The following GLT1D1 variants were observed in gnomAD, a reference collection of about 807,000 sequenced individuals.
GLT1D1 encodes glycosyltransferase 1 domain containing 1.
GLT1D1 carries 21 observed loss-of-function variants against 28.7 expected under a neutral mutation model. The ratio of observed to expected loss-of-function variants is 0.73; its 90% CI spans 0.52 to 1.05. The LOEUF (loss-of-function observed/expected upper bound fraction) is 1.05, where lower values mean the gene tolerates loss of function less well. GLT1D1 is among the 50% of genes least tolerant of loss of function. GLT1D1 has a pLI of 0.00. For synonymous variants in GLT1D1, 147 were observed against 124.8 expected, an observed-to-expected ratio of 1.18 and a Z score of -1.19; for missense variants, 343 against 330.6, an observed-to-expected ratio of 1.04 and a Z score of -0.29.
intron 7 of GLT1D1, among the ~76,000 whole-genome samples, chr12:128,972,084 G>GA (rs1879237995): frequency 6.6e-6 from 1 of 151,992 alleles, no homozygotes; most frequent in African/African-American, 2.4e-5. Context: ...GTCCCTTGGG[G>GA]ATCTTGGGCT....
intron 4 of GLT1D1, chr12:128,945,071 T>C (rs1431028415): frequency 3.0e-6 from 2 of 663,714 alleles, no homozygotes; most frequent in Non-Finnish European, 5.4e-6. Flanking sequence ...CCCCGCAGCA[T>C]GTTGTCCCGG....
chr12:128,929,492 C>T (rs990711305), intron 4 of GLT1D1, among the ~76,000 whole-genome samples: 18 of 152,118 alleles, frequency 1.2e-4, no homozygotes, highest in African/African-American at 2.2e-4. Context: ...CTGAGTGAAG[C>T]GAACTCTACA....
chr12:128,950,684 T>A (rs1010512763), intron 6 of GLT1D1, among the ~76,000 whole-genome samples: 1 of 152,122 alleles, frequency 6.6e-6, no homozygotes, highest in Non-Finnish European at 1.5e-5. Flanking sequence ...TTCTGCAGGG[T>A]AGAACAGAGG....
intron 4 of GLT1D1, among the ~76,000 whole-genome samples, chr12:128,911,830 C>T (rs997051750): frequency 2.0e-5 from 3 of 151,982 alleles, no homozygotes; most frequent in Non-Finnish European, 4.4e-5. Context: ...ATGCAAGGGC[C>T]GCCTTTTGCT....
At chr12:128,924,458 CT>C (rs1278752820) in intron 4 of GLT1D1, among the ~76,000 whole-genome samples, 3 of 151,394 alleles carry the variant, frequency 2.0e-5, no homozygotes, top group African/African-American at 7.3e-5. Context: ...GAAAAAGCCT[CT>C]TTTATTTATT....
chr12:128,865,682 C>T lies in GLT1D1; in HGVS notation c.69-10232C>T, dbSNP rs1239455436. ...ATTAAAAATACAAAAATTAGCCAGG[C>T]GTGGTGGCATGCGCCTATAATCCCA... On this transcript the variant is annotated intron_variant, in intron 1 of 7. Coordinates refer to ENST00000281703, the MANE Select transcript of GLT1D1 (RefSeq NM_144669.3). Among the ~76,000 whole-genome samples, 3 of 152,006 alleles carry T rather than the reference C, an allele frequency of 2.0e-5. No homozygotes were observed. The East Asian group carries it at 5.8e-4, about 29-fold the overall frequency.
chr12:128,949,822 A>T (rs1391053154), intron 6 of GLT1D1, among the ~76,000 whole-genome samples: 2 of 151,612 alleles, frequency 1.3e-5, no homozygotes, highest in Admixed American at 6.6e-5. Flanking sequence ...ATGCACACAC[A>T]TGTACACACG....
At chr12:128,928,141 A>G (rs1176610853) in intron 4 of GLT1D1, among the ~76,000 whole-genome samples, 1 of 152,100 alleles carries the variant, frequency 6.6e-6, no homozygotes, top group Non-Finnish European at 1.5e-5. Context: ...ATTATGTGTG[A>G]TCCAAATTGT....
At chr12:128,931,276 C>T (rs963968215) in intron 4 of GLT1D1, among the ~76,000 whole-genome samples, 66 of 151,168 alleles carry the variant, frequency 4.4e-4, no homozygotes, top group Non-Finnish European at 1.2e-4. Context: ...CCTGGGATTA[C>T]AGGCTTGAGC....
At chr12:128,955,374 G>T (rs879156946) in intron 6 of GLT1D1, among the ~76,000 whole-genome samples, 1 of 152,036 alleles carries the variant, frequency 6.6e-6, no homozygotes, top group Admixed American at 6.5e-5. Flanking sequence ...GTTGATCAAG[G>T]CACTGCTAAT....
At chr12:128,949,825 TACACAC>T (rs1182263640) in intron 6 of GLT1D1, among the ~76,000 whole-genome samples, 1 of 151,574 alleles carries the variant, frequency 6.6e-6, no homozygotes, top group Non-Finnish European at 1.5e-5. Context: ...CACACACATG[TACACAC>T]GCACATGCAC....
At chr12:128,981,922 C>T (rs767441027) in intron 7 of GLT1D1, among the ~76,000 whole-genome samples, 7 of 152,326 alleles carry the variant, frequency 4.6e-5, no homozygotes, top group South Asian at 2.1e-4. Flanking sequence ...TTTAAACCCA[C>T]GCCTCCCGTG....
At chr12:128,937,509 CAG>C (rs1047493960) in intron 4 of GLT1D1, among the ~76,000 whole-genome samples, 2 of 152,084 alleles carry the variant, frequency 1.3e-5, no homozygotes, top group African/African-American at 4.8e-5. Context: ...GAAAGTGTCT[CAG>C]AGAGGGGGCA....
At chr12:128,921,994 G>C (rs1249986178) in intron 4 of GLT1D1, among the ~76,000 whole-genome samples, 2 of 142,802 alleles carry the variant, frequency 1.4e-5, no homozygotes. Flanking sequence ...GATTCTCCTT[G>C]TACCTTCCTT....
At chr12:128,959,411 T>TGCGCGG (rs1555219941) in intron 7 of GLT1D1, among the ~76,000 whole-genome samples, 4 of 31,508 alleles carry the variant, frequency 1.3e-4, no homozygotes, top group Non-Finnish European at 1.8e-4. Flanking sequence ...CATGAGGCAG[T>TGCGCGG]GGGGGGGGAC....
At chr12:128,869,937 CTA>C in intron 1 of GLT1D1, among the ~76,000 whole-genome samples, 1 of 102,334 alleles carries the variant, frequency 9.8e-6, no homozygotes, top group Admixed American at 1.3e-4. Context: ...TGTGTGTATT[CTA>C]TTTTTTTTTT....
At chr12:128,881,283 G>C (rs548816915) in intron 2 of GLT1D1, among the ~76,000 whole-genome samples, 8 of 145,412 alleles carry the variant, frequency 5.5e-5, no homozygotes, top group Non-Finnish European at 7.5e-5. Context: ...TGTAATCCCA[G>C]CATTTTGAAG....
intron 4 of GLT1D1, among the ~76,000 whole-genome samples, chr12:128,899,799 G>A (rs983211762): frequency 2.0e-5 from 3 of 151,984 alleles, no homozygotes; most frequent in South Asian, 2.1e-4. Context: ...TGATCTGCCC[G>A]CCTCAGCATC....
chr12:128,881,982 C>G (rs1001287838), intron 2 of GLT1D1, among the ~76,000 whole-genome samples: 2 of 151,924 alleles, frequency 1.3e-5, no homozygotes, highest in African/African-American at 4.8e-5. Flanking sequence ...GAGCCCATTT[C>G]CTTTAGGATT....
Sources: gnomAD v4.1 joint callset for allele counts (sites outside exome capture counted in the v4.1 genomes callset) on GRCh38, gnomAD v4.1.1 for gene constraint, MANE v1.5 for transcripts, NCBI Gene and HGNC (gene_info 2026-07-23, HGNC 2026-07-21) for gene names.